Variants in GPM6B observed in about 807,000 individuals in gnomAD.
GPM6B encodes the protein glycoprotein M6B, also known as neuronal membrane glycoprotein M6-b.
Under a neutral mutation model 27.2 loss-of-function variants are expected in GPM6B, and 4 were observed. The ratio of observed to expected loss-of-function variants is 0.15; its 90% CI spans 0.07 to 0.34. The LOEUF (loss-of-function observed/expected upper bound fraction) is 0.34, where lower values mean the gene tolerates loss of function less well. Among genes scored for constraint, GPM6B ranks in the 10% least tolerant of loss-of-function variants. The probability of loss-of-function intolerance (pLI) is 1.00; values close to 1 mark genes in which losing one functional copy is unlikely to be tolerated. For synonymous variants in GPM6B, 124 were observed against 103.1 expected, an observed-to-expected ratio of 1.20 and a Z score of -1.23; for missense variants, 183 against 261.9, an observed-to-expected ratio of 0.70 and a Z score of 2.08.
chrX:13,928,976 A>T, intron 1 of GPM6B, among the ~76,000 whole-genome samples: 1 of 111,982 alleles, frequency 8.9e-6, no homozygotes, highest in Non-Finnish European at 1.9e-5. Flanking sequence ...ACAAGGGGGA[A>T]ATCAGTCCTT....
intron 1 of GPM6B, among the ~76,000 whole-genome samples, chrX:13,810,744 T>TAAAAAA (rs747466374): frequency 1.2e-5 from 1 of 80,650 alleles, no homozygotes; most frequent in Non-Finnish European, 2.5e-5. Flanking sequence ...ATTCAGGATT[T>TAAAAAA]AAAAAAAAAA....
Position 13,772,710 on chromosome X carries a change from AT to A in GPM6B, c.*170del, listed in dbSNP as rs896328156. ...TCCAATATTTGTTCTAAAGAAAAAG[AT>A]TTACCCACTGGAAGGTTTTCCTAGA... On this transcript the variant is annotated 3_prime_UTR_variant, in exon 8 of 8. Coordinates refer to ENST00000316715, the MANE Select transcript of GPM6B (RefSeq NM_001001995.3). 8 of 364,138 alleles carry A rather than the reference AT, an allele frequency of 2.2e-5. No homozygotes were observed. Among genetic ancestry groups the A allele is most frequent in the African/African-American group, 2.0e-4 (8 of 39,117 alleles). The allele number at this position is 364,138 out of a possible 1,213,427, so 30.0% of individuals were successfully genotyped here. A position where few individuals can be genotyped will look rare whatever the true frequency, so the allele number is the denominator to read the frequency against.
At chrX:13,778,732 C>CT (rs1007462775) in intron 5 of GPM6B, among the ~76,000 whole-genome samples, 2 of 111,875 alleles carry the variant, frequency 1.8e-5, no homozygotes, top group African/African-American at 6.5e-5. Context: ...TGGCAAAACA[C>CT]TTACTTTTAA....
At chrX:13,863,718 A>G (rs1306835723) in intron 1 of GPM6B, among the ~76,000 whole-genome samples, 2 of 112,102 alleles carry the variant, frequency 1.8e-5, no homozygotes, top group African/African-American at 6.5e-5. Flanking sequence ...AAATTCACTC[A>G]CTTTCTTCCC....
intron 1 of GPM6B, among the ~76,000 whole-genome samples, chrX:13,914,168 T>TGATACACTGG (rs1423737949): frequency 1.8e-5 from 2 of 112,253 alleles, no homozygotes; most frequent in Admixed American, 9.5e-5. Flanking sequence ...GAAAGAAAAA[T>TGATACACTGG]CAAATTATTC....
At chrX:13,844,789 G>A (rs186649718) in intron 1 of GPM6B, among the ~76,000 whole-genome samples, 1 of 111,517 alleles carries the variant, frequency 9.0e-6, no homozygotes, top group South Asian at 3.8e-4. Flanking sequence ...CTTTCCTAGT[G>A]TCTGAGCTAT....
intron 1 of GPM6B, among the ~76,000 whole-genome samples, chrX:13,838,045 T>C (rs1169759046): frequency 2.7e-5 from 3 of 109,265 alleles, no homozygotes; most frequent in African/African-American, 1.0e-4. Context: ...TTACTGTAAA[T>C]ACTTAGTAAG....
intron 1 of GPM6B, chrX:13,889,153 A>C (rs140093472): frequency 1.8e-5 from 2 of 111,177 alleles, no homozygotes; most frequent in Admixed American, 1.9e-4. Flanking sequence ...ATTAATAATT[A>C]TAAAACTACT....
intron 1 of GPM6B, among the ~76,000 whole-genome samples, chrX:13,840,042 G>A (rs1465436886): frequency 8.9e-6 from 1 of 111,888 alleles, no homozygotes; most frequent in Non-Finnish European, 1.9e-5. Flanking sequence ...TAGTCAACTG[G>A]CTTTTGACAA....
At chrX:13,845,866 T>C (rs1379067494) in intron 1 of GPM6B, among the ~76,000 whole-genome samples, 3 of 111,905 alleles carry the variant, frequency 2.7e-5, no homozygotes, top group African/African-American at 9.7e-5. Flanking sequence ...ACACAGAACA[T>C]GGTCAACCTC....
intron 1 of GPM6B, among the ~76,000 whole-genome samples, chrX:13,920,288 AGAAAGAAAG>A (rs1920956231): frequency 2.6e-5 from 2 of 75,563 alleles, no homozygotes; most frequent in Admixed American, 1.6e-4. Context: ...AAAAAAAAAA[AGAAAGAAAG>A]AAAGAAAAAA....
At chrX:13,787,116 A>G (rs1055288596) in intron 2 of GPM6B, among the ~76,000 whole-genome samples, 2 of 107,551 alleles carry the variant, frequency 1.9e-5, no homozygotes, top group African/African-American at 6.8e-5. Flanking sequence ...AACCCAGCAT[A>G]AAACACCATA....
At chrX:13,776,959 CTA>C (rs1267893354) in intron 6 of GPM6B, among the ~76,000 whole-genome samples, 1 of 111,622 alleles carries the variant, frequency 9.0e-6, no homozygotes, top group African/African-American at 3.3e-5. Flanking sequence ...AGGGACTCCT[CTA>C]TGAAAATTAA....
intron 1 of GPM6B, among the ~76,000 whole-genome samples, chrX:13,933,042 CT>C (rs1921654862): frequency 9.1e-6 from 1 of 109,718 alleles, no homozygotes; most frequent in Non-Finnish European, 1.9e-5. Flanking sequence ...GTAATTTACC[CT>C]ATTTTAGCAT....
intron 1 of GPM6B, among the ~76,000 whole-genome samples, chrX:13,829,291 G>A (rs1414310001): frequency 1.2e-4 from 13 of 111,334 alleles, no homozygotes. Context: ...GATACCATGT[G>A]ACCTTCCTGA....
intron 1 of GPM6B, among the ~76,000 whole-genome samples, chrX:13,836,088 G>A (rs966433322): frequency 8.9e-6 from 1 of 112,023 alleles, no homozygotes; most frequent in African/African-American, 3.2e-5. Context: ...TAAGCAAGAT[G>A]TGTTAAACGT....
At chrX:13,824,076 T>C (rs376489211) in intron 1 of GPM6B, among the ~76,000 whole-genome samples, 2 of 111,922 alleles carry the variant, frequency 1.8e-5, no homozygotes, top group East Asian at 2.8e-4. Context: ...TGCTCCACCT[T>C]GGCACTAGTG....
intron 1 of GPM6B, among the ~76,000 whole-genome samples, chrX:13,929,108 G>A (rs1921353674): frequency 8.9e-6 from 1 of 112,415 alleles, no homozygotes; most frequent in African/African-American, 3.2e-5. Context: ...TTACAGCTAA[G>A]AAGATGAATT....
At chrX:13,869,427 G>A (rs766851600) in intron 1 of GPM6B, among the ~76,000 whole-genome samples, 1 of 109,782 alleles carries the variant, frequency 9.1e-6, no homozygotes, top group African/African-American at 3.3e-5. Flanking sequence ...GTGCAACCCT[G>A]TAAATATTCT....
Sources: allele counts gnomAD v4.1 joint callset (sites outside exome capture counted in the v4.1 genomes callset), GRCh38; gene constraint gnomAD v4.1.1; transcripts MANE v1.5; gene names NCBI Gene and HGNC (gene_info 2026-07-23, HGNC 2026-07-21).